XPO4: variants seen among roughly 807,000 people sequenced by gnomAD.
The protein encoded by XPO4 is exportin 4.
In XPO4, 39 loss-of-function variants were observed where a neutral mutation model predicts 143.0. The ratio of observed to expected loss-of-function variants is 0.27; its 90% confidence interval spans 0.21 to 0.36. XPO4 has a LOEUF of 0.36. XPO4 is among the 10% of genes least tolerant of loss of function. XPO4 has a pLI of 1.00. For synonymous variants in XPO4, 439 were observed against 474.0 expected (o/e 0.93, Z 0.96); for missense variants, 907 against 1,348.0 (o/e 0.67, Z 5.12).
At chr13:20,870,510 G>C (rs541889214) in intron 1 of XPO4, among the ~76,000 whole-genome samples, 1 of 151,398 alleles carries the variant, frequency 6.6e-6, no homozygotes, top group South Asian at 2.1e-4. Flanking sequence ...CAACACTTTG[G>C]GAGATCAAGG....
intron 13 of XPO4, among the ~76,000 whole-genome samples, chr13:20,805,770 G>A (rs917481417): frequency 3.3e-5 from 5 of 152,150 alleles, no homozygotes; most frequent in Admixed American, 2.6e-4. Context: ...TCAAATACCC[G>A]AAGGCTCCCT....
intron 7 of XPO4, among the ~76,000 whole-genome samples, chr13:20,825,036 A>C (rs2137976410): frequency 6.6e-6 from 1 of 152,318 alleles, no homozygotes; most frequent in African/African-American, 2.4e-5. Flanking sequence ...CAGAGTCAGC[A>C]AAGTTGAGAA....
At chr13:20,859,441 A>G (rs1391587601) in intron 3 of XPO4, among the ~76,000 whole-genome samples, 2 of 152,162 alleles carry the variant, frequency 1.3e-5, no homozygotes, top group African/African-American at 4.8e-5. Flanking sequence ...TCTACTAAAA[A>G]TACAAAAAAT....
At chr13:20,900,766 C>T (rs1311680091) in intron 1 of XPO4, among the ~76,000 whole-genome samples, 2 of 150,890 alleles carry the variant, frequency 1.3e-5, no homozygotes, top group Non-Finnish European at 3.0e-5. Flanking sequence ...TGCCAGCCAT[C>T]ACGCCCGGCT....
chr13:20,835,211 C>T (rs191213701), intron 6 of XPO4, among the ~76,000 whole-genome samples: 45 of 152,080 alleles, frequency 3.0e-4, no homozygotes, highest in Non-Finnish European at 2.9e-4. Context: ...TACAAATAGA[C>T]AATAGTTGGA....
chr13:20,866,415 T>C (rs1431347178), intron 2 of XPO4: 4 of 971,344 alleles, frequency 4.1e-6, no homozygotes, highest in Non-Finnish European at 4.9e-6. Flanking sequence ...TCCCCTTTAG[T>C]AGAATATATT....
intron 9 of XPO4, among the ~76,000 whole-genome samples, chr13:20,813,836 T>G (rs915995305): frequency 6.6e-6 from 1 of 151,792 alleles, no homozygotes; most frequent in Non-Finnish European, 1.5e-5. Flanking sequence ...AACATGCCTG[T>G]AGTTCCACCT....
intron 16 of XPO4, 98 bp downstream of exon 16, chr13:20,799,067 G>T: frequency 1.1e-5 from 12 of 1,057,520 alleles, no homozygotes; most frequent in African/African-American, 1.6e-5. Context: ...AGCTATGACT[G>T]ATACATTTAT....
chr13:20,843,100 A>G, intron 5 of XPO4, 52 bp from the exon 6 acceptor site: 1 of 1,491,640 alleles, frequency 6.7e-7, no homozygotes, highest in Non-Finnish European at 9.1e-7. Context: ...TTCAAAATGT[A>G]TCCCCTTTTA....
At chr13:20,807,827 A>G (rs567048901) in intron 12 of XPO4, among the ~76,000 whole-genome samples, 193 bp from the exon 13 acceptor site, 1 of 152,280 alleles carries the variant, frequency 6.6e-6, no homozygotes, top group African/African-American at 2.4e-5. Context: ...AACTACAGAA[A>G]AGGACAAATG....
intron 1 of XPO4, chr13:20,869,590 T>C (rs2060275000): frequency 2.5e-6 from 2 of 797,278 alleles, no homozygotes; most frequent in Non-Finnish European, 3.0e-6. Flanking sequence ...TCAATTATAT[T>C]AGATCAACAC....
intron 3 of XPO4, among the ~76,000 whole-genome samples, chr13:20,858,732 A>G (rs997313484): frequency 2.6e-5 from 4 of 151,756 alleles, no homozygotes; most frequent in Non-Finnish European, 5.9e-5. Flanking sequence ...TTAGCTGGGC[A>G]TGGTGGCGCA....
intron 9 of XPO4, 41 bp from the exon 10 acceptor site, chr13:20,810,008 C>T (rs377248433): frequency 1.7e-4 from 254 of 1,513,102 alleles, no homozygotes; most frequent in Middle Eastern, 5.3e-4. Flanking sequence ...GTCCAGAGAA[C>T]GACAATTGGC....
chr13:20,831,344 T>C (rs756869439), intron 6 of XPO4, among the ~76,000 whole-genome samples: 1 of 152,230 alleles, frequency 6.6e-6, no homozygotes. Flanking sequence ...GTCACCACTT[T>C]AGCATTTTAT....
intron 1 of XPO4, among the ~76,000 whole-genome samples, chr13:20,868,923 GA>G (rs1162688703): frequency 6.6e-6 from 1 of 152,130 alleles, no homozygotes; most frequent in Non-Finnish European, 1.5e-5. Flanking sequence ...GTTTGGGTCA[GA>G]ATCCTTTAAA....
At chr13:20,863,426 G>A (rs982800482) in intron 2 of XPO4, among the ~76,000 whole-genome samples, 1 of 152,156 alleles carries the variant, frequency 6.6e-6, no homozygotes, top group Non-Finnish European at 1.5e-5. Context: ...AAGGTGAGAA[G>A]TGCTTGTGAA....
At chr13:20,896,917 C>A (rs1320167332) in intron 1 of XPO4, among the ~76,000 whole-genome samples, 1 of 152,126 alleles carries the variant, frequency 6.6e-6, no homozygotes, top group Non-Finnish European at 1.5e-5. Context: ...TAACAACTGC[C>A]TTTTAGGCAT....
At chr13:20,805,562 C>A (rs2059493217) in intron 13 of XPO4, among the ~76,000 whole-genome samples, 1 of 152,278 alleles carries the variant, frequency 6.6e-6, no homozygotes, top group Non-Finnish European at 1.5e-5. Flanking sequence ...ACCAACCTCA[C>A]ATCTCTGCTC....
At chr13:20,902,362 G>T in intron 1 of XPO4, 1 of 985,394 alleles carries the variant, frequency 1.0e-6, no homozygotes, top group Non-Finnish European at 1.2e-6. Context: ...CCGGCGCCTT[G>T]CTCTGCGACC....
Sources: gnomAD v4.1 joint callset for allele counts (sites outside exome capture counted in the v4.1 genomes callset) on GRCh38, gnomAD v4.1.1 for gene constraint, MANE v1.5 for transcripts, NCBI Gene and HGNC (gene_info 2026-07-23, HGNC 2026-07-21) for gene names.